MYOM1: variants seen among roughly 807,000 people sequenced by gnomAD.
The protein encoded by MYOM1 is myomesin 1.
MYOM1 carries 164 observed loss-of-function variants against 205.3 expected under a neutral mutation model. The ratio of observed to expected loss-of-function variants is 0.80; its 90% CI spans 0.70 to 0.91. MYOM1 has a LOEUF of 0.91. Among genes scored for constraint, MYOM1 ranks in the 40% least tolerant of loss-of-function variants. The probability of loss-of-function intolerance (pLI) is 0.00; values close to 1 mark genes in which losing one functional copy is unlikely to be tolerated. For missense variants in MYOM1, 2,011 were observed against 2,127.3 expected, an observed-to-expected ratio of 0.95 and a Z score of 1.08; for synonymous variants, 772 against 789.4, an observed-to-expected ratio of 0.98 and a Z score of 0.37.
chr18:3,214,607 T>C (rs1209926938), intron 2 of MYOM1, among the ~76,000 whole-genome samples: 1 of 152,076 alleles, frequency 6.6e-6, no homozygotes, highest in African/African-American at 2.4e-5. Context: ...GTGGAACACC[T>C]GAGGTCAGGG....
chr18:3,168,373 C>G (rs1055398345), intron 9 of MYOM1, among the ~76,000 whole-genome samples: 1 of 152,136 alleles, frequency 6.6e-6, no homozygotes, highest in Non-Finnish European at 1.5e-5. Flanking sequence ...ACTGCAACCT[C>G]TGCCTCCTGG....
rs138605134 is a variant in MYOM1 at position 3,214,926 on chromosome 18, C to G, written c.290+8G>C. The G allele has an allele frequency of 1.3e-6, 2 of 1,574,130 alleles. No homozygotes were observed. Among genetic ancestry groups the G allele is most frequent in the Non-Finnish European group, 1.7e-6 (2 of 1,157,708 alleles). ...GGTTGGAAGGTTGGAGGAGGGCGTC[C>G]GACATACCCATGGGAGGAGCCATAA... On this transcript the variant is annotated splice_region_variant and intron_variant, in intron 2 of 37. Coordinates refer to ENST00000356443, the MANE Select transcript of MYOM1 (RefSeq NM_003803.4).
chr18:3,122,821 A>G (rs1037342109), intron 19 of MYOM1, among the ~76,000 whole-genome samples: 15 of 152,366 alleles, frequency 9.8e-5, no homozygotes, highest in Admixed American at 9.1e-4. Context: ...AATGTTTTTG[A>G]TAATTTTAAT....
intron 10 of MYOM1, among the ~76,000 whole-genome samples, chr18:3,163,504 G>T (rs1014626089): frequency 1.3e-5 from 2 of 152,096 alleles, no homozygotes; most frequent in Non-Finnish European, 2.9e-5. Flanking sequence ...CCAGGCTGGA[G>T]TGCAGTGGCA....
intron 13 of MYOM1, among the ~76,000 whole-genome samples, chr18:3,144,911 T>C (rs183104055): frequency 6.6e-6 from 1 of 152,254 alleles, no homozygotes; most frequent in African/African-American, 2.4e-5. Context: ...TGATAGAACA[T>C]GTAGATATTA....
upstream of MYOM1, among the ~76,000 whole-genome samples, chr18:3,222,582 T>A (rs2081336537): frequency 6.6e-6 from 1 of 152,244 alleles, no homozygotes; most frequent in South Asian, 2.1e-4. Context: ...TTGTAGCCAG[T>A]ACATTTTGAC....
chr18:3,150,992 T>C (rs1022070888), intron 12 of MYOM1, among the ~76,000 whole-genome samples: 30 of 149,320 alleles, frequency 2.0e-4, no homozygotes, highest in African/African-American at 3.7e-4. Flanking sequence ...TTTTTTTTTT[T>C]TTTTTTTTCA....
intron 36 of MYOM1, among the ~76,000 whole-genome samples, chr18:3,074,769 C>T (rs2079001423): frequency 6.6e-6 from 1 of 152,154 alleles, no homozygotes; most frequent in Non-Finnish European, 1.5e-5. Context: ...CAGTGAATTA[C>T]TTGATATCAA....
chr18:3,188,286 T>C (rs895776654), intron 4 of MYOM1, among the ~76,000 whole-genome samples: 10 of 152,204 alleles, frequency 6.6e-5, no homozygotes, highest in African/African-American at 2.4e-4. Context: ...CTTGTTTTCT[T>C]ACGTTTTGTT....
chr18:3,220,499 G>T (rs9963109), upstream of MYOM1, among the ~76,000 whole-genome samples: 19,683 of 152,192 alleles, frequency 0.13, 1,948 homozygotes, highest in African/African-American at 0.28. Context: ...GCCTGAATAT[G>T]TGATTTCCTG....
At chr18:3,109,715 C>T (rs1163595795) in intron 22 of MYOM1, among the ~76,000 whole-genome samples, 2 of 152,184 alleles carry the variant, frequency 1.3e-5, no homozygotes, top group East Asian at 1.9e-4. Flanking sequence ...TCAACCTAAG[C>T]GAATCCTTAA....
At chr18:3,085,948 A>T (rs1264286159) in intron 30 of MYOM1, 90 bp downstream of exon 30, 2 of 748,356 alleles carry the variant, frequency 2.7e-6, no homozygotes, top group African/African-American at 1.8e-5. Context: ...TCCCCTGGTC[A>T]TGAAAGGAAT....
At chr18:3,158,797 A>G (rs1026722716) in intron 10 of MYOM1, among the ~76,000 whole-genome samples, 1 of 151,804 alleles carries the variant, frequency 6.6e-6, no homozygotes, top group African/African-American at 2.4e-5. Flanking sequence ...TATTTTTTGT[A>G]GAGACAGGGT....
At chr18:3,221,588 G>A (rs1287258318), upstream of MYOM1, among the ~76,000 whole-genome samples, 1 of 152,238 alleles carries the variant, frequency 6.6e-6, no homozygotes, top group Non-Finnish European at 1.5e-5. Context: ...AGAGACATTT[G>A]ATTCCAAAGC....
chr18:3,139,661 C>T (rs2080021650), intron 14 of MYOM1, among the ~76,000 whole-genome samples: 1 of 152,212 alleles, frequency 6.6e-6, no homozygotes. Context: ...AAATGTACCC[C>T]AGGTCCCTGG....
chr18:3,174,090 C>T, intron 7 of MYOM1, 30 bp downstream of exon 7: 2 of 1,611,256 alleles, frequency 1.2e-6, no homozygotes, highest in Non-Finnish European at 1.7e-6. Context: ...CACACACACA[C>T]TTTGAAGAAA....
At chr18:3,150,285 C>A (rs1056434514) in intron 12 of MYOM1, among the ~76,000 whole-genome samples, 22 of 152,188 alleles carry the variant, frequency 1.4e-4, no homozygotes, top group Middle Eastern at 3.2e-3. Flanking sequence ...TGGTCACGAA[C>A]TCCTGACCTC....
At chr18:3,148,691 C>CA (rs1024087002) in intron 13 of MYOM1, among the ~76,000 whole-genome samples, 9 of 151,326 alleles carry the variant, frequency 5.9e-5, no homozygotes, top group Non-Finnish European at 1.2e-4. Context: ...ACTAAAAATA[C>CA]AAAAATTAGC....
chr18:3,141,826 A>G, intron 14 of MYOM1, 113 bp downstream of exon 14: 1 of 1,302,042 alleles, frequency 7.7e-7, no homozygotes. Context: ...TAGTGAGATC[A>G]GGACATGCTC....
Sources: allele counts gnomAD v4.1 joint callset (sites outside exome capture counted in the v4.1 genomes callset), GRCh38; gene constraint gnomAD v4.1.1; transcripts MANE v1.5; gene names NCBI Gene and HGNC (gene_info 2026-07-23, HGNC 2026-07-21).